Variants in SEMA3A observed in about 807,000 individuals in gnomAD.
SEMA3A encodes the protein semaphorin-3A.
Under a neutral mutation model 97.9 loss-of-function variants are expected in SEMA3A, and 29 were observed. The ratio of observed to expected loss-of-function variants is 0.30; its 90% CI spans 0.22 to 0.40. SEMA3A has a LOEUF of 0.40. SEMA3A is among the 10% of genes least tolerant of loss of function. SEMA3A has a pLI of 1.00. For missense variants in SEMA3A, 763 were observed against 951.3 expected (o/e 0.80, Z 2.60); for synonymous variants, 321 against 323.7 (o/e 0.99, Z 0.09).
intron 1 of SEMA3A, among the ~76,000 whole-genome samples, chr7:84,424,362 AAAT>A (rs1000042587): frequency 1.2e-4 from 17 of 139,744 alleles, no homozygotes; most frequent in African/African-American, 3.4e-4. Flanking sequence ...ATAATATATA[AAAT>A]AATAATATAA....
chr7:84,229,807 T>C (rs1186037813), intron 3 of SEMA3A, among the ~76,000 whole-genome samples: 3 of 151,936 alleles, frequency 2.0e-5, no homozygotes, highest in Non-Finnish European at 2.9e-5. Flanking sequence ...TTCTTTCGAG[T>C]CAACAAGCGT....
rs778384034 is a variant in SEMA3A at position 84,063,189 on chromosome 7, CAG to C, written c.454-2633_454-2632del. On this transcript the variant is annotated intron_variant, in intron 4 of 16. Coordinates refer to ENST00000265362, the MANE Select transcript of SEMA3A (RefSeq NM_006080.3). Reference sequence around the variant, plus strand: ...CACCTCACATGGCAGGGTATTCCAACAGACCTGCAGCTGAGGGTCCTGTCTGT... The same window carrying C: ...CACCTCACATGGCAGGGTATTCCAACACCTGCAGCTGAGGGTCCTGTCTGT... Among the ~76,000 whole-genome samples, 37 of 151,704 alleles carry C rather than the reference CAG, an allele frequency of 2.4e-4. 1 individual carries two copies. The highest frequency in any genetic ancestry group is 4.2e-4 in the South Asian group (2 of 4,746).
intron 3 of SEMA3A, among the ~76,000 whole-genome samples, chr7:84,282,205 C>A (rs938666670): frequency 9.9e-5 from 15 of 152,076 alleles, no homozygotes; most frequent in Non-Finnish European, 1.9e-4. Flanking sequence ...GATTTTTAGT[C>A]ACTGCTGGAT....
chr7:84,423,226 A>G (rs1207839510), intron 1 of SEMA3A, among the ~76,000 whole-genome samples: 1 of 131,866 alleles, frequency 7.6e-6, no homozygotes, highest in African/African-American at 3.5e-5. Context: ...AATACTATGA[A>G]AAGATTTGCA....
At chr7:84,182,649 TAAAAC>T (rs1562836849) in intron 1 of SEMA3A, among the ~76,000 whole-genome samples, 2 of 152,080 alleles carry the variant, frequency 1.3e-5, no homozygotes, top group Admixed American at 6.6e-5. Flanking sequence ...AAATTACACT[TAAAAC>T]AATTACACAA....
intron 2 of SEMA3A, among the ~76,000 whole-genome samples, chr7:84,336,049 G>A (rs1802031059): frequency 6.6e-6 from 1 of 152,064 alleles, no homozygotes; most frequent in African/African-American, 2.4e-5. Flanking sequence ...CAGGTCTAGA[G>A]TGTAGCTAAA....
At chr7:84,182,956 T>C (rs2116241948) in intron 1 of SEMA3A, among the ~76,000 whole-genome samples, 1 of 152,276 alleles carries the variant, frequency 6.6e-6, no homozygotes, top group East Asian at 1.9e-4. Flanking sequence ...GCTTTCATTA[T>C]TACTTTTAAT....
intron 1 of SEMA3A, among the ~76,000 whole-genome samples, chr7:84,401,939 G>T (rs771115002): frequency 1.3e-5 from 2 of 152,068 alleles, no homozygotes; most frequent in Non-Finnish European, 2.9e-5. Flanking sequence ...ATGCTGTTCT[G>T]GGCAAAGATT....
intron 13 of SEMA3A, among the ~76,000 whole-genome samples, chr7:83,982,277 AAAG>A (rs1789447890): frequency 1.3e-5 from 2 of 152,318 alleles, no homozygotes; most frequent in African/African-American, 4.8e-5. Flanking sequence ...ATAGGTCTTT[AAAG>A]TATGCATTCA....
chr7:83,980,144 C>T (rs1283748251), intron 14 of SEMA3A, among the ~76,000 whole-genome samples: 1 of 152,012 alleles, frequency 6.6e-6, no homozygotes, highest in Non-Finnish European at 1.5e-5. Context: ...TTCCTAAACC[C>T]TGCTAAATGT....
intron 3 of SEMA3A, among the ~76,000 whole-genome samples, chr7:84,272,039 C>G (rs570515852): frequency 6.6e-6 from 1 of 152,070 alleles, no homozygotes; most frequent in African/African-American, 2.4e-5. Flanking sequence ...GTGTGTACTG[C>G]TGATAGATAT....
At chr7:84,152,867 T>C (rs1796721575) in intron 1 of SEMA3A, among the ~76,000 whole-genome samples, 1 of 152,098 alleles carries the variant, frequency 6.6e-6, no homozygotes, top group Non-Finnish European at 1.5e-5. Context: ...TTAAATGCTA[T>C]TGCATTTAAA....
chr7:84,143,695 A>T (rs902402518), intron 1 of SEMA3A, among the ~76,000 whole-genome samples: 1 of 143,962 alleles, frequency 6.9e-6, no homozygotes, highest in Non-Finnish European at 1.5e-5. Flanking sequence ...ATCTCTACTT[A>T]AAAAAAAAAA....
chr7:84,115,259 C>T (rs373750252), intron 3 of SEMA3A, among the ~76,000 whole-genome samples: 42 of 152,186 alleles, frequency 2.8e-4, no homozygotes, highest in African/African-American at 1.0e-3. Flanking sequence ...TATGATTAAA[C>T]TAAATGAAGA....
intron 6 of SEMA3A, among the ~76,000 whole-genome samples, chr7:84,031,878 C>T (rs1791771493): frequency 6.6e-6 from 1 of 152,004 alleles, no homozygotes; most frequent in South Asian, 2.1e-4. Flanking sequence ...AAAATATAAG[C>T]AGATATTAAA....
intron 9 of SEMA3A, 106 bp from the exon 10 acceptor site, chr7:84,007,603 AAT>A (rs1790719536): frequency 1.2e-5 from 11 of 925,620 alleles, no homozygotes; most frequent in Non-Finnish European, 1.6e-5. Context: ...TTAAAATATG[AAT>A]ATAAATTCTT....
intron 3 of SEMA3A, among the ~76,000 whole-genome samples, chr7:84,234,605 G>A (rs539919802): frequency 1.7e-4 from 26 of 151,944 alleles, no homozygotes; most frequent in African/African-American, 4.8e-4. Context: ...CCCTTGTTGC[G>A]CTTGGGCGTC....
intron 3 of SEMA3A, among the ~76,000 whole-genome samples, chr7:84,214,673 T>C (rs1255269072): frequency 6.6e-6 from 1 of 151,816 alleles, no homozygotes; most frequent in Non-Finnish European, 1.5e-5. Flanking sequence ...GCTACAGCTC[T>C]TTCCTGTATC....
intron 1 of SEMA3A, among the ~76,000 whole-genome samples, chr7:84,482,344 C>T (rs1806468880): frequency 6.6e-6 from 1 of 152,112 alleles, no homozygotes; most frequent in South Asian, 2.1e-4. Flanking sequence ...TACCGAATAT[C>T]TATTCCTAAA....
Sources: gnomAD v4.1 joint callset for allele counts (sites outside exome capture counted in the v4.1 genomes callset) on GRCh38, gnomAD v4.1.1 for gene constraint, MANE v1.5 for transcripts, NCBI Gene and HGNC (gene_info 2026-07-23, HGNC 2026-07-21) for gene names.